TNFRSF21: variants seen among roughly 807,000 people sequenced by gnomAD.
TNFRSF21 encodes the protein tumor necrosis factor receptor superfamily member 21.
Under a neutral mutation model 45.6 loss-of-function variants are expected in TNFRSF21, and 19 were observed. That is an observed-to-expected ratio of 0.42 (90% CI 0.29 to 0.61). The LOEUF is 0.61. TNFRSF21 is among the 20% of genes least tolerant of loss of function. The pLI is 0.23. For missense variants in TNFRSF21, 737 were observed against 851.5 expected (o/e 0.87, Z 1.67); for synonymous variants, 314 against 335.5 (o/e 0.94, Z 0.70).
chr6:47,273,122 C>T (rs1762451248), intron 3 of TNFRSF21, among the ~76,000 whole-genome samples: 1 of 152,146 alleles, frequency 6.6e-6, no homozygotes, highest in Admixed American at 6.5e-5. Flanking sequence ...TGAAACTATT[C>T]CAATCAACAG....
rs1416186743 is a variant in TNFRSF21, at chr6:47,309,443, G to C, written c.69C>G (p.Ala23=). The change falls in exon 1 of 6, where the codon GCC becomes GCG. Residue 23 remains alanine, a synonymous_variant. Transcript: ENST00000296861. ...SCSRIARRAT[A]TMIAGSLLLL... Reference sequence around the variant, plus strand: ...GGAGAAGGGAGCCCGCGATCATCGTGGCTGTGGCTCGGCGGGCGATGCGGC... The same window carrying C: ...GGAGAAGGGAGCCCGCGATCATCGTCGCTGTGGCTCGGCGGGCGATGCGGC... 37 of 1,553,292 alleles carry C rather than the reference G, an allele frequency of 2.4e-5. No homozygotes were observed. Among genetic ancestry groups the C allele is most frequent in the Non-Finnish European group, 3.2e-5 (37 of 1,156,780 alleles).
intron 3 of TNFRSF21, among the ~76,000 whole-genome samples, chr6:47,269,222 CACAA>C (rs1403576755): frequency 2.0e-5 from 3 of 150,872 alleles, no homozygotes; most frequent in African/African-American, 4.9e-5. Flanking sequence ...CACACACAGA[CACAA>C]ACACACACAC....
At chr6:47,292,628 T>C (rs1055105278) in intron 1 of TNFRSF21, among the ~76,000 whole-genome samples, 3 of 152,240 alleles carry the variant, frequency 2.0e-5, no homozygotes, top group Non-Finnish European at 2.9e-5. Context: ...CTGGTACTTT[T>C]AATTGTTTTA....
At position 47,286,075 on chromosome 6, in the gene TNFRSF21, T is replaced by A; in HGVS notation, c.617A>T (p.Glu206Val). The A allele has an allele frequency of 6.2e-7, 1 of 1,614,180 alleles. No homozygotes were observed. The highest frequency in any genetic ancestry group is 8.5e-7 in the Non-Finnish European group (1 of 1,180,024). Residue 206 changes from glutamate to valine, a missense_variant, in exon 2 of 6, where the codon GAG (glutamate) becomes GTG (valine). By Grantham distance (121) the Glu-to-Val change is moderately radical. Transcript: ENST00000296861. ...GAGTGTGCCACAGACGTTGTCTGTC[T>A]CCTTGGTCCCCGGCTTGATCACCAC... ...NLVVIKPGTK[E>V]TDNVCGTLPS...
At chr6:47,277,305 T>A (rs1386244154) in intron 3 of TNFRSF21, among the ~76,000 whole-genome samples, 1 of 152,246 alleles carries the variant, frequency 6.6e-6, no homozygotes, top group East Asian at 1.9e-4. Flanking sequence ...AAGTATAGTA[T>A]TTTAAAGGAG....
chr6:47,239,717 G>A (rs1208492758), intron 4 of TNFRSF21, among the ~76,000 whole-genome samples: 3 of 152,120 alleles, frequency 2.0e-5, no homozygotes, highest in South Asian at 2.1e-4. Context: ...TGTGGCACTA[G>A]GAAAACCACT....
chr6:47,293,519 T>G (rs1344854744), intron 1 of TNFRSF21, among the ~76,000 whole-genome samples: 2 of 152,226 alleles, frequency 1.3e-5, no homozygotes, highest in African/African-American at 4.8e-5. Context: ...TACTACATGC[T>G]GGATAATATA....
intron 1 of TNFRSF21, among the ~76,000 whole-genome samples, chr6:47,304,421 C>T (rs149027389): frequency 1.3e-5 from 2 of 152,268 alleles, no homozygotes; most frequent in East Asian, 3.9e-4. Flanking sequence ...CTCTCATCTT[C>T]GTGGATATAG....
intron 3 of TNFRSF21, among the ~76,000 whole-genome samples, chr6:47,262,297 AC>A (rs1284001762): frequency 7.2e-5 from 11 of 152,250 alleles, no homozygotes; most frequent in African/African-American, 2.7e-4. Context: ...ATTTCATTCC[AC>A]TGGGCAAAAA....
At chr6:47,245,173 A>T (rs914302655) in intron 4 of TNFRSF21, among the ~76,000 whole-genome samples, 12 of 152,180 alleles carry the variant, frequency 7.9e-5, no homozygotes, top group African/African-American at 2.9e-4. Flanking sequence ...TCTGTCTCAG[A>T]AAAAAATTAA....
At chr6:47,272,345 C>G (rs552826920) in intron 3 of TNFRSF21, among the ~76,000 whole-genome samples, 1 of 152,292 alleles carries the variant, frequency 6.6e-6, no homozygotes, top group African/African-American at 2.4e-5. Flanking sequence ...TAAATTAGAA[C>G]TCAGGATTAA....
intron 3 of TNFRSF21, among the ~76,000 whole-genome samples, chr6:47,260,574 C>G (rs958490834): frequency 3.3e-5 from 5 of 152,122 alleles, no homozygotes; most frequent in African/African-American, 1.2e-4. Flanking sequence ...TTAATAAAAA[C>G]CCAAATTGAC....
At chr6:47,263,520 G>A (rs569999638) in intron 3 of TNFRSF21, among the ~76,000 whole-genome samples, 11 of 152,256 alleles carry the variant, frequency 7.2e-5, no homozygotes, top group African/African-American at 2.4e-4. Flanking sequence ...GGAGGAACCC[G>A]CCATGGAAAC....
chr6:47,290,217 T>C (rs996185599), intron 1 of TNFRSF21, among the ~76,000 whole-genome samples: 4 of 152,122 alleles, frequency 2.6e-5, no homozygotes, highest in Non-Finnish European at 5.9e-5. Flanking sequence ...AGAAGAGAAC[T>C]GAACCCAAGA....
rs187652793 is a variant in TNFRSF21, at chr6:47,244,760, C to T, written c.1509+8496G>A. 2.0e-5 allele frequency among the ~76,000 whole-genome samples: 3 copies of T among 152,140 alleles called. No homozygotes were observed. In the East Asian group the frequency reaches 5.8e-4, roughly 29 times the overall value. On this transcript the variant is annotated intron_variant, in intron 4 of 5. Transcript: ENST00000296861. ...AAACCAGGAATGACATTAGTCTCTC[C>T]CAAGGAAATGGTGAAAAATAAGTGA... is the stretch of plus-strand genomic sequence containing the variant.
intron 4 of TNFRSF21, among the ~76,000 whole-genome samples, chr6:47,250,819 C>T (rs1023394124): frequency 2.6e-5 from 4 of 152,208 alleles, no homozygotes; most frequent in Non-Finnish European, 5.9e-5. Flanking sequence ...ACATACTGTG[C>T]AATTACCACT....
At chr6:47,246,237 C>A (rs1341317616) in intron 4 of TNFRSF21, among the ~76,000 whole-genome samples, 1 of 152,212 alleles carries the variant, frequency 6.6e-6, no homozygotes, top group African/African-American at 2.4e-5. Context: ...CTGATTTCAA[C>A]TTAATGTGCA....
chr6:47,301,998 G>A (rs146778282), intron 1 of TNFRSF21, among the ~76,000 whole-genome samples: 2 of 152,114 alleles, frequency 1.3e-5, no homozygotes, highest in African/African-American at 2.4e-5. Context: ...TGACCTGGCC[G>A]TGTATAGGAT....
chr6:47,258,945 C>T (rs529902595), intron 3 of TNFRSF21, among the ~76,000 whole-genome samples: 3 of 152,272 alleles, frequency 2.0e-5, no homozygotes, highest in East Asian at 3.9e-4. Context: ...TAATAAAACT[C>T]GACTTACAAA....
Sources: gnomAD v4.1 joint callset for allele counts (sites outside exome capture counted in the v4.1 genomes callset) on GRCh38, gnomAD v4.1.1 for gene constraint, MANE v1.5 for transcripts, NCBI Gene and HGNC (gene_info 2026-07-23, HGNC 2026-07-21) for gene names.